The following GRIN2A variants were observed in gnomAD, a reference collection of about 807,000 sequenced individuals.
The protein encoded by GRIN2A is glutamate ionotropic receptor NMDA type subunit 2A, also known as glutamate receptor ionotropic, NMDA 2A.
Under a neutral mutation model 113.4 loss-of-function variants are expected in GRIN2A, and 22 were observed. The observed-to-expected ratio is 0.19, with a 90% confidence interval of 0.14 to 0.28. The LOEUF (loss-of-function observed/expected upper bound fraction) is 0.28, where lower values mean the gene tolerates loss of function less well. Among genes scored for constraint, GRIN2A ranks in the 10% least tolerant of loss-of-function variants. GRIN2A has a pLI of 1.00. For synonymous variants in GRIN2A, 827 were observed against 738.4 expected (o/e 1.12, Z -1.94); for missense variants, 1,502 against 1,887.0 (o/e 0.80, Z 3.78).
chr16:9,948,541 G>A (rs148235392), intron 2 of GRIN2A, among the ~76,000 whole-genome samples: 3 of 152,328 alleles, frequency 2.0e-5, no homozygotes, highest in East Asian at 3.9e-4. Flanking sequence ...TCCATCCCAG[G>A]GAGGACTAGG....
chr16:10,181,579 C>A (rs1292061278), intron 1 of GRIN2A: 1 of 152,250 alleles, frequency 6.6e-6, no homozygotes, highest in Non-Finnish European at 1.5e-5. Context: ...GGTGCACAGC[C>A]CTGCGTACCT....
chr16:9,829,858 G>A (rs951050523), intron 8 of GRIN2A, among the ~76,000 whole-genome samples: 1 of 151,954 alleles, frequency 6.6e-6, no homozygotes, highest in African/African-American at 2.4e-5. Flanking sequence ...TATCTAACTG[G>A]ATTTTTGCCA....
At chr16:9,892,896 C>A (rs111887006) in intron 3 of GRIN2A, among the ~76,000 whole-genome samples, 130 of 145,510 alleles carry the variant, frequency 8.9e-4, no homozygotes, top group African/African-American at 3.0e-3. Flanking sequence ...GTGTCACTTG[C>A]TTCATATTCC....
intron 2 of GRIN2A, among the ~76,000 whole-genome samples, chr16:10,165,531 T>C (rs868049783): frequency 4.8e-5 from 7 of 146,326 alleles, no homozygotes; most frequent in Middle Eastern, 3.3e-3. Flanking sequence ...TATATATGTA[T>C]ATATATATAC....
chr16:9,998,743 CT>C (rs1421856901), intron 2 of GRIN2A, among the ~76,000 whole-genome samples: 1 of 151,912 alleles, frequency 6.6e-6, no homozygotes, highest in Non-Finnish European at 1.5e-5. Flanking sequence ...TCTCTCTCTC[CT>C]TCTCCCTCCC....
rs75088118 is a variant in GRIN2A, at chr16:9,835,521, A to G, written c.1652-1291T>C. On this transcript the variant is annotated intron_variant, in intron 7 of 12. Transcript: ENST00000330684. ...AGATTTGCTATAAAATCAACAGAAA[A>G]TAAATTTTAAAAATGAATACATCTC... 9.5e-3 allele frequency among the ~76,000 whole-genome samples: 1,450 copies of G among 152,368 alleles called. 15 individuals are homozygous for G. The highest frequency in any genetic ancestry group is 0.032 in the African/African-American group (1,344 of 41,588).
chr16:10,001,689 T>C (rs541414617), intron 2 of GRIN2A, among the ~76,000 whole-genome samples: 1 of 152,348 alleles, frequency 6.6e-6, no homozygotes, highest in African/African-American at 2.4e-5. Flanking sequence ...CCAGTCACCA[T>C]GGCCAGTGAA....
At chr16:10,090,475 A>C (rs1331593160) in intron 2 of GRIN2A, among the ~76,000 whole-genome samples, 1 of 152,202 alleles carries the variant, frequency 6.6e-6, no homozygotes, top group Non-Finnish European at 1.5e-5. Flanking sequence ...AAAATTTGAT[A>C]TCAATATGTG....
At chr16:10,152,864 C>A (rs188796376) in intron 2 of GRIN2A, among the ~76,000 whole-genome samples, 16 of 152,244 alleles carry the variant, frequency 1.1e-4, no homozygotes, top group Middle Eastern at 3.4e-3. Context: ...ATGATTCCAA[C>A]TATATGACAT....
intron 2 of GRIN2A, among the ~76,000 whole-genome samples, chr16:10,129,955 A>C (rs1004087403): frequency 1.6e-4 from 24 of 152,238 alleles, no homozygotes; most frequent in Admixed American, 1.3e-4. Flanking sequence ...ATCTGTGTTA[A>C]GGGCAGAGCT....
intron 2 of GRIN2A, among the ~76,000 whole-genome samples, chr16:10,162,866 T>A (rs930358258): frequency 2.6e-5 from 4 of 152,134 alleles, no homozygotes; most frequent in African/African-American, 9.7e-5. Context: ...AAAACCTCCA[T>A]GAACCAGGAC....
chr16:9,959,555 G>A (rs2045388240), intron 2 of GRIN2A, among the ~76,000 whole-genome samples: 1 of 152,184 alleles, frequency 6.6e-6, no homozygotes, highest in Non-Finnish European at 1.5e-5. Context: ...CTCTTCACCT[G>A]GGATGATTTA....
At chr16:9,937,176 C>T (rs1167896731) in intron 3 of GRIN2A, among the ~76,000 whole-genome samples, 2 of 151,906 alleles carry the variant, frequency 1.3e-5, no homozygotes, top group African/African-American at 2.4e-5. Context: ...TATGCCTGTA[C>T]CAAAATACTT....
intron 12 of GRIN2A, among the ~76,000 whole-genome samples, chr16:9,766,818 A>T (rs1226140058): frequency 6.6e-6 from 1 of 152,220 alleles, no homozygotes; most frequent in East Asian, 1.9e-4. Flanking sequence ...TCCCCTAGGG[A>T]TGGAGAGGCC....
At chr16:9,933,306 C>T (rs972367823) in intron 3 of GRIN2A, among the ~76,000 whole-genome samples, 7 of 151,454 alleles carry the variant, frequency 4.6e-5, no homozygotes, top group Non-Finnish European at 7.3e-5. Flanking sequence ...CCTGGTACCA[C>T]GCCCAGCCCA....
intron 2 of GRIN2A, among the ~76,000 whole-genome samples, chr16:9,961,884 A>G (rs1386663858): frequency 2.0e-5 from 3 of 152,226 alleles, no homozygotes; most frequent in African/African-American, 4.8e-5. Flanking sequence ...ACTATGCTAC[A>G]AGGCTACAGT....
At chr16:10,097,664 G>T (rs1380129677) in intron 2 of GRIN2A, among the ~76,000 whole-genome samples, 2 of 152,118 alleles carry the variant, frequency 1.3e-5, no homozygotes, top group Non-Finnish European at 2.9e-5. Flanking sequence ...GGACAGGGAT[G>T]GCTGATAAAT....
At chr16:9,892,057 C>T (rs930839149) in intron 3 of GRIN2A, among the ~76,000 whole-genome samples, 6 of 151,964 alleles carry the variant, frequency 3.9e-5, no homozygotes, top group African/African-American at 1.2e-4. Flanking sequence ...GGAGAAACCC[C>T]GTCTCTACTA....
chr16:10,144,003 C>T (rs1036077336), intron 2 of GRIN2A, among the ~76,000 whole-genome samples: 1 of 152,042 alleles, frequency 6.6e-6, no homozygotes, highest in African/African-American at 2.4e-5. Flanking sequence ...TTGTCCCCAA[C>T]ATGGCTCTCT....
Sources: gnomAD v4.1 joint callset for allele counts (sites outside exome capture counted in the v4.1 genomes callset) on GRCh38, gnomAD v4.1.1 for gene constraint, MANE v1.5 for transcripts, NCBI Gene and HGNC (gene_info 2026-07-23, HGNC 2026-07-21) for gene names.